The following PDE12 variants were observed in gnomAD, a reference collection of about 807,000 sequenced individuals.
PDE12 encodes phosphodiesterase 12.
A neutral mutation model predicts 45.4 loss-of-function variants in PDE12; 26 were observed. That is an observed-to-expected ratio of 0.57 (90% CI 0.42 to 0.79). The LOEUF (loss-of-function observed/expected upper bound fraction) is 0.79. Ranked by LOEUF, PDE12 falls within the 30% of genes least tolerant of loss-of-function variation. The probability of loss-of-function intolerance (pLI) is 0.00; values close to 1 mark genes in which losing one functional copy is unlikely to be tolerated. For missense variants in PDE12, 668 were observed against 790.0 expected, an observed-to-expected ratio of 0.85 and a Z score of 1.85; for synonymous variants, 283 against 323.9, an observed-to-expected ratio of 0.87 and a Z score of 1.36.
the PDE12 span, chr3:57,630,564 C>T: frequency 2.6e-5 from 40 of 1,555,224 alleles, no homozygotes; most frequent in Non-Finnish European, 3.0e-5. Context: ...TTGATTATAA[C>T]TTATTTCCTT....
the PDE12 span, among the ~76,000 whole-genome samples, chr3:57,624,383 C>T: frequency 6.6e-6 from 1 of 152,058 alleles, no homozygotes; most frequent in Non-Finnish European, 1.5e-5. Context: ...ATCTCCTGAC[C>T]TTGTGATCCA....
the PDE12 span, among the ~76,000 whole-genome samples, chr3:57,581,792 C>CA: frequency 1.3e-4 from 20 of 151,568 alleles, no homozygotes; most frequent in Admixed American, 2.6e-4. Flanking sequence ...AACTCCATCT[C>CA]AAAAAAAATA....
At chr3:57,632,075 A>G in the PDE12 span, among the ~76,000 whole-genome samples, 2 of 136,076 alleles carry the variant, frequency 1.5e-5, no homozygotes, top group African/African-American at 5.6e-5. Context: ...GGCTGAGTGC[A>G]GTGGCGCGAT....
rs2069663897 is a variant in PDE12, at chr3:57,556,654, C to A, written c.275C>A (p.Ala92Asp). The A allele has an allele frequency of 6.2e-7, 1 of 1,600,444 alleles. No homozygotes were observed. Among genetic ancestry groups the A allele is most frequent in the Non-Finnish European group, 8.5e-7 (1 of 1,170,500 alleles). Residue 92 changes from alanine (A) to aspartate (D), a missense_variant, in exon 1 of 3, where the codon GCC becomes GAC. This residue lies in a region of PDE12 where 580 missense variants were observed against 662.9 expected (regional missense o/e 0.87). Coordinates refer to ENST00000311180, the MANE Select transcript of PDE12 (RefSeq NM_177966.7). This position sits in a 1 kb window ranked among gnomAD's most constrained non-coding sequence, Gnocchi z 5.0. The part of the protein sequence containing the change: ...ALKGHAKAAA[A>D]KKSRKSRPNA... ...AAGGGTCACGCTAAGGCGGCCGCCG[C>A]CAAGAAGAGCAGGAAGAGCCGGCCG... is the stretch of plus-strand genomic sequence containing the variant.
At chr3:57,618,720 T>A in the PDE12 span, among the ~76,000 whole-genome samples, 2 of 149,242 alleles carry the variant, frequency 1.3e-5, no homozygotes, top group African/African-American at 4.9e-5. Flanking sequence ...GCGATTCTCC[T>A]GCCTCAGCCT....
chr3:57,652,798 C>T, the PDE12 span, among the ~76,000 whole-genome samples: 10 of 152,102 alleles, frequency 6.6e-5, no homozygotes, highest in African/African-American at 2.4e-4. Flanking sequence ...ACCAGACAAT[C>T]CTAAACTGAG....
the PDE12 span, among the ~76,000 whole-genome samples, chr3:57,607,417 A>G: frequency 6.6e-6 from 1 of 152,162 alleles, no homozygotes; most frequent in African/African-American, 2.4e-5. Context: ...TTGGGAGAAG[A>G]AGGCTTCAGA....
rs202007984 is a variant in PDE12, at chr3:57,557,400, G to A, written c.1021G>A (p.Gly341Ser). Residue 341 changes from glycine to serine, a missense_variant, in exon 1 of 3, where the codon GGC becomes AGC. This residue lies in a region of PDE12 where 580 missense variants were observed against 662.9 expected (regional missense o/e 0.87). Transcript: ENST00000311180. ...RQNLIQKELT[G>S]YNADVICLQE... Reference sequence around the variant, plus strand: ...GAACCTTATCCAGAAGGAACTCACCGGCTACAACGCCGATGTCATCTGTTT... The same window carrying A: ...GAACCTTATCCAGAAGGAACTCACCAGCTACAACGCCGATGTCATCTGTTT... The A allele has an allele frequency of 1.8e-3, 2,981 of 1,613,964 alleles. 86 individuals are homozygous for A. The South Asian group carries it at 0.031, about 17-fold the overall frequency.
At chr3:57,634,774 A>C in the PDE12 span, 1 of 1,551,458 alleles carries the variant, frequency 6.4e-7, no homozygotes. Flanking sequence ...TTTCACCTGA[A>C]GGAAGCAGCA....
the PDE12 span, among the ~76,000 whole-genome samples, chr3:57,628,637 T>C: frequency 1.3e-5 from 2 of 152,250 alleles, no homozygotes; most frequent in Admixed American, 6.5e-5. Context: ...GGCATCATTA[T>C]GGTCTGTTTC....
the PDE12 span, chr3:57,577,355 A>C: frequency 6.2e-7 from 1 of 1,613,746 alleles, no homozygotes; most frequent in Non-Finnish European, 8.5e-7. Context: ...GAATTCTTTC[A>C]CGATCGTTGC....
the PDE12 span, among the ~76,000 whole-genome samples, chr3:57,606,172 T>C: frequency 6.6e-6 from 1 of 152,166 alleles, no homozygotes; most frequent in African/African-American, 2.4e-5. Flanking sequence ...GAGAAAATTA[T>C]ATCAAAGTGT....
the PDE12 span, among the ~76,000 whole-genome samples, chr3:57,592,293 A>G: frequency 6.6e-6 from 1 of 152,112 alleles, no homozygotes; most frequent in African/African-American, 2.4e-5. Context: ...GTTTGAGACC[A>G]GCTTGACCAA....
At chr3:57,633,429 T>C in the PDE12 span, 1 of 1,209,242 alleles carries the variant, frequency 8.3e-7, no homozygotes, top group Non-Finnish European at 1.2e-6. Flanking sequence ...CAGATTCAAT[T>C]GCTATGTAAA....
chr3:57,569,888 C>T (rs1477991336), downstream of PDE12, among the ~76,000 whole-genome samples: 3 of 147,808 alleles, frequency 2.0e-5, no homozygotes, highest in Non-Finnish European at 3.0e-5. Flanking sequence ...TGCTTTACAT[C>T]ACGAGTAAGA....
At chr3:57,570,219 GTTTT>G (rs34599005), downstream of PDE12, among the ~76,000 whole-genome samples, 4 of 102,308 alleles carry the variant, frequency 3.9e-5, no homozygotes, top group African/African-American at 1.2e-4. Flanking sequence ...TTAATCCAGT[GTTTT>G]TTTTTTTTTT....
rs1444198688 is a variant in PDE12, at chr3:57,557,289, G to A, written c.910G>A (p.Ala304Thr). ...CCGCACTGTCTCTTACAACATCCTG[G>A]CAGACACGTACGCGCAGACTGAGTT... ...LIRTVSYNILADTYAQTEFSR... is the reference protein window; with the variant it reads ...LIRTVSYNILTDTYAQTEFSR... The change falls in exon 1 of 3, where the codon GCA (alanine) becomes ACA (threonine). Residue 304 changes from alanine (A) to threonine (T), a missense_variant. By Grantham distance (58) the Ala-to-Thr change is moderately conservative. Around this residue, in one of 3 missense-constraint regions of PDE12, gnomAD observed 580 missense variants for 662.9 expected, o/e 0.87. Transcript: ENST00000311180. 1 of 1,613,746 alleles carries A rather than the reference G, an allele frequency of 6.2e-7. No homozygotes were observed. The highest frequency in any genetic ancestry group is 1.3e-5 in the African/African-American group (1 of 74,876).
chr3:57,604,125 T>C, the PDE12 span, among the ~76,000 whole-genome samples: 3 of 151,776 alleles, frequency 2.0e-5, no homozygotes, highest in African/African-American at 7.3e-5. Context: ...GGTTTCACCT[T>C]ATTGGCCAGG....
At chr3:57,646,701 A>G in the PDE12 span, among the ~76,000 whole-genome samples, 2 of 152,256 alleles carry the variant, frequency 1.3e-5, no homozygotes, top group African/African-American at 4.8e-5. Context: ...ATAACTGACA[A>G]TAAAAGCATA....
Sources: gnomAD v4.1 joint callset for allele counts (sites outside exome capture counted in the v4.1 genomes callset) on GRCh38, gnomAD v4.1.1 for gene constraint, gnomAD v4.1.1 regional missense constraint, Gnocchi (gnomAD v3.1) non-coding constraint, MANE v1.5 for transcripts, NCBI Gene and HGNC (gene_info 2026-07-23, HGNC 2026-07-21) for gene names.